EPC2: variants seen among roughly 807,000 people sequenced by gnomAD.
EPC2 encodes the protein enhancer of polycomb 2, also known as enhancer of polycomb homolog 2.
Under a neutral mutation model 92.1 loss-of-function variants are expected in EPC2, and 14 were observed. The observed-to-expected ratio is 0.15, with a 90% confidence interval of 0.10 to 0.24. The LOEUF (loss-of-function observed/expected upper bound fraction) is 0.24. Among genes scored for constraint, EPC2 ranks in the 10% least tolerant of loss-of-function variants. The pLI, the probability that EPC2 is intolerant of heterozygous loss-of-function variation, is 1.00. For missense variants in EPC2, 755 were observed against 971.5 expected (o/e 0.78, Z 2.96); for synonymous variants, 340 against 334.7 (o/e 1.02, Z -0.17).
At chr2:148,757,147 C>T (rs570280019) in intron 4 of EPC2, among the ~76,000 whole-genome samples, 2 of 152,170 alleles carry the variant, frequency 1.3e-5, no homozygotes, top group South Asian at 2.1e-4. Flanking sequence ...GAGACTGAGG[C>T]GGGCGAATCA....
chr2:148,769,877 A>G (rs921228019), intron 8 of EPC2, among the ~76,000 whole-genome samples: 1 of 152,074 alleles, frequency 6.6e-6, no homozygotes, highest in African/African-American at 2.4e-5. Flanking sequence ...GCATACACTG[A>G]CAGCTTTTTT....
intron 10 of EPC2, among the ~76,000 whole-genome samples, chr2:148,780,084 A>G (rs1683719207): frequency 6.6e-6 from 1 of 152,224 alleles, no homozygotes; most frequent in Non-Finnish European, 1.5e-5. Flanking sequence ...TAAAAATAGA[A>G]CACTTGCAGT....
Position 148,786,363 on chromosome 2 carries a change from A to G in EPC2, c.2410A>G (p.Met804Val), listed in dbSNP as rs762583688. The G allele has an allele frequency of 6.2e-7, 1 of 1,610,036 alleles. No individual in the cohort carries two copies. Among genetic ancestry groups the G allele is most frequent in the South Asian group, 1.1e-5 (1 of 89,930 alleles). Residue 804 changes from methionine (M) to valine (V), a missense_variant, in exon 14 of 14, where the codon ATG (methionine) becomes GTG (valine). Around this residue, in one of 4 missense-constraint regions of EPC2, gnomAD observed 207 missense variants for 260.5 expected, o/e 0.79. Transcript: ENST00000258484. ...TGGAATAGCAGAGACAACAGTAGCT[A>G]TGGAAGTGACATAACCTAAAACACG... The part of the protein sequence containing the change: ...LNGIAETTVA[M>V]EVT
chr2:148,678,894 G>C (rs7599623), intron 1 of EPC2, among the ~76,000 whole-genome samples: 21,267 of 152,278 alleles, frequency 0.14, 2,444 homozygotes, highest in East Asian at 0.46. Context: ...AGCCCAGGCA[G>C]AGGAGGCGCC....
chr2:148,727,052 T>C (rs1218227700), intron 2 of EPC2, among the ~76,000 whole-genome samples: 1 of 152,168 alleles, frequency 6.6e-6, no homozygotes, highest in Non-Finnish European at 1.5e-5. Context: ...CTAGGAGTTT[T>C]ATAATTTTGT....
At chr2:148,688,494 A>G (rs1423834516) in intron 1 of EPC2, among the ~76,000 whole-genome samples, 1 of 152,180 alleles carries the variant, frequency 6.6e-6, no homozygotes, top group African/African-American at 2.4e-5. Context: ...GCACACCAAC[A>G]TGGCACATGT....
intron 7 of EPC2, among the ~76,000 whole-genome samples, chr2:148,768,153 T>A (rs1043556220): frequency 3.9e-5 from 6 of 152,148 alleles, no homozygotes. Context: ...AAGAGAGGGA[T>A]TTGTGAGGTT....
chr2:148,659,198 A>G (rs1266817926), intron 1 of EPC2, among the ~76,000 whole-genome samples: 1 of 152,156 alleles, frequency 6.6e-6, no homozygotes, highest in East Asian at 1.9e-4. Context: ...TTTGGTGCCT[A>G]GATAGACTTA....
chr2:148,658,327 C>T (rs1680849243), intron 1 of EPC2, among the ~76,000 whole-genome samples: 1 of 152,048 alleles, frequency 6.6e-6, no homozygotes, highest in South Asian at 2.1e-4. Context: ...CACCTTTAGA[C>T]AGTGAAATTA....
chr2:148,759,821 T>C (rs1431158300), intron 4 of EPC2, among the ~76,000 whole-genome samples: 4 of 152,208 alleles, frequency 2.6e-5, no homozygotes, highest in African/African-American at 9.6e-5. Flanking sequence ...TTATACTGTT[T>C]TTGTAACTTT....
At chr2:148,745,506 A>G (rs1045802447) in intron 3 of EPC2, among the ~76,000 whole-genome samples, 17 of 152,146 alleles carry the variant, frequency 1.1e-4, no homozygotes, top group South Asian at 2.1e-4. Context: ...CATGTAAGCA[A>G]TACAGTTAAC....
intron 1 of EPC2, among the ~76,000 whole-genome samples, chr2:148,678,477 C>T (rs1455272404): frequency 1.3e-5 from 2 of 152,224 alleles, no homozygotes; most frequent in Non-Finnish European, 2.9e-5. Context: ...GAGGCTCGGG[C>T]TGCGCAGGAG....
At chr2:148,749,967 A>G (rs764134526) in intron 3 of EPC2, among the ~76,000 whole-genome samples, 51 of 152,124 alleles carry the variant, frequency 3.4e-4, no homozygotes, top group African/African-American at 1.1e-3. Flanking sequence ...GGTCATTCCT[A>G]TGACTGCAGA....
rs1683023598 is a variant in EPC2, at chr2:148,748,239, C to A, written c.459+4472C>A. Among the ~76,000 whole-genome samples the A allele has an allele frequency of 1.3e-5, 2 of 152,122 alleles. 1 individual carries two copies. The highest frequency in any genetic ancestry group is 1.3e-4 in the Admixed American group (2 of 15,248). On this transcript the variant is annotated intron_variant, in intron 3 of 13. Transcript: ENST00000258484. ...GATGTGCCTGCTTCCCTTTCGCCTT[C>A]TCCCATGACTATAAATTTCTTGAGG...
chr2:148,675,435 T>C (rs1296475454), intron 1 of EPC2, among the ~76,000 whole-genome samples: 1 of 152,218 alleles, frequency 6.6e-6, no homozygotes, highest in Non-Finnish European at 1.5e-5. Flanking sequence ...TATAGCTGAA[T>C]CTTGTCTTCT....
At chr2:148,763,081 T>C (rs1192387789) in intron 6 of EPC2, among the ~76,000 whole-genome samples, 1 of 152,122 alleles carries the variant, frequency 6.6e-6, no homozygotes, top group East Asian at 1.9e-4. Context: ...TAATAGTCCG[T>C]CATGTTCAAT....
At chr2:148,677,332 TAAC>T (rs944280928) in intron 1 of EPC2, among the ~76,000 whole-genome samples, 5 of 152,314 alleles carry the variant, frequency 3.3e-5, no homozygotes, top group Non-Finnish European at 4.4e-5. Flanking sequence ...CCAACTCTCT[TAAC>T]AAGAAGAGAG....
At chr2:148,670,688 C>T (rs536036828) in intron 1 of EPC2, among the ~76,000 whole-genome samples, 69 of 152,168 alleles carry the variant, frequency 4.5e-4, no homozygotes, top group African/African-American at 1.6e-3. Flanking sequence ...CTCCCCTCCT[C>T]TCCCTTGTCT....
chr2:148,756,203 CTTGT>C (rs1558830923), intron 4 of EPC2, among the ~76,000 whole-genome samples: 1 of 152,174 alleles, frequency 6.6e-6, no homozygotes, highest in African/African-American at 2.4e-5. Context: ...TACCCTTTCT[CTTGT>C]TTGTTATTTT....
Sources: allele counts gnomAD v4.1 joint callset (sites outside exome capture counted in the v4.1 genomes callset), GRCh38; gene constraint gnomAD v4.1.1; regional missense constraint gnomAD v4.1.1; transcripts MANE v1.5; gene names NCBI Gene and HGNC (gene_info 2026-07-23, HGNC 2026-07-21).